ZNF142: variants seen among roughly 807,000 people sequenced by gnomAD.
The protein encoded by ZNF142 is zinc finger protein 142 (clone pHZ-49).
A neutral mutation model predicts 132.1 loss-of-function variants in ZNF142; 96 were observed. The ratio of observed to expected loss-of-function variants is 0.73; its 90% confidence interval spans 0.62 to 0.86. The LOEUF (loss-of-function observed/expected upper bound fraction) is 0.86, where lower values mean the gene tolerates loss of function less well. Ranked by LOEUF, ZNF142 falls within the 40% of genes least tolerant of loss-of-function variation. ZNF142 has a pLI of 0.00. For synonymous variants in ZNF142, 842 were observed against 890.1 expected (o/e 0.95, Z 0.96); for missense variants, 2,163 against 2,336.2 (o/e 0.93, Z 1.53).
In ZNF142 at chr2:218,638,357, G is replaced by A. The variant is rs952819157; in HGVS notation, c.5646C>T (p.His1882=). 2 of 1,522,638 alleles carry A rather than the reference G, an allele frequency of 1.3e-6. No individual in the cohort carries two copies. The highest frequency in any genetic ancestry group is 1.3e-5 in the South Asian group (1 of 76,314). The allele number at this position is 1,522,638 out of a possible 1,614,324, so 94.3% of individuals were successfully genotyped here. ...DPSPPAPAAP[H]TGPEG ...CAGGCTTTCAGCCCTCAGGTCCAGTGTGGGGAGCGGCAGGAGCAGGAGGGC... is the reference window on the plus strand; with the variant it reads ...CAGGCTTTCAGCCCTCAGGTCCAGTATGGGGAGCGGCAGGAGCAGGAGGGC... Residue 1882 remains histidine, a synonymous_variant, in exon 11 of 11, where the codon CAC becomes CAT. Transcript: ENST00000411696.
chr2:218,643,285 A>G lies in ZNF142; in HGVS notation c.3831T>C (p.Ala1277=), dbSNP rs1427481186. The part of the protein sequence containing the change: ...DVSPLSNGDS[A]PPKNGSTESS... ...ACTCTGTACTCCCATTCTTCGGGGG[A>G]GCAGAGTCCCCATTGCTCAACGGGG... is the stretch of plus-strand genomic sequence containing the variant. Residue 1277 remains alanine (A), a synonymous_variant, in exon 9 of 11, where the codon GCT becomes GCC. Coordinates refer to ENST00000411696, the MANE Select transcript of ZNF142 (RefSeq NM_001379659.1). 1 of 1,613,858 alleles carries G rather than the reference A, an allele frequency of 6.2e-7. No individual in the cohort carries two copies. Among genetic ancestry groups the G allele is most frequent in the Non-Finnish European group, 8.5e-7 (1 of 1,179,998 alleles).
intron 4 of ZNF142, among the ~76,000 whole-genome samples, chr2:218,655,640 C>T (rs1938413221): frequency 6.6e-6 from 1 of 152,134 alleles, no homozygotes; most frequent in African/African-American, 2.4e-5. Flanking sequence ...CAGGTGCATG[C>T]CACTGTACCA....
Position 218,636,220 on chromosome 2 carries a change from T to C in ZNF142, c.*2119A>G. The C allele has an allele frequency of 2.5e-6, 4 of 1,607,916 alleles. No individual in the cohort carries two copies. Among genetic ancestry groups the C allele is most frequent in the Non-Finnish European group, 3.4e-6 (4 of 1,174,384 alleles). On this transcript the variant is annotated 3_prime_UTR_variant, in exon 11 of 11. Transcript: ENST00000411696. ...AGAAAACTGTCATAATGTCTTCTTA[T>C]TTCTTTCTGTCCACCAACTCAGGTT...
chr2:218,656,331 G>A lies in ZNF142; in HGVS notation c.99C>T (p.Asn33=). The A allele has an allele frequency of 6.3e-7, 1 of 1,596,428 alleles. No individual in the cohort carries two copies. The highest frequency in any genetic ancestry group is 8.6e-7 in the Non-Finnish European group (1 of 1,169,272). ...TCTGGACAGGCCCCAGGATTCCACGGTTAGAGAGAGGCGGGGGGATCAGCA... is the reference window on the plus strand; with the variant it reads ...TCTGGACAGGCCCCAGGATTCCACGATTAGAGAGAGGCGGGGGGATCAGCA... ...ELLLIPPPLS[N]RGILGPVQSP... Residue 33 remains asparagine, a synonymous_variant, in exon 4 of 11, where the codon AAC becomes AAT. Coordinates refer to ENST00000411696, the MANE Select transcript of ZNF142 (RefSeq NM_001379659.1).
rs1223864203 is a variant in ZNF142 at position 218,633,841 on chromosome 2, G to A, written c.*4498C>T. ...TGATGGACTGGCAGGTAAGTCCCAAGAAAAAAGACAAGGTAGCTAAGGAGA... is the reference window on the plus strand; with the variant it reads ...TGATGGACTGGCAGGTAAGTCCCAAAAAAAAAGACAAGGTAGCTAAGGAGA... On this transcript the variant is annotated 3_prime_UTR_variant, in exon 11 of 11. Coordinates refer to ENST00000411696, the MANE Select transcript of ZNF142 (RefSeq NM_001379659.1). 3 of 1,515,524 alleles carry A rather than the reference G, an allele frequency of 2.0e-6. No homozygotes were observed. The highest frequency in any genetic ancestry group is 1.8e-5 in the Admixed American group (1 of 54,336). The allele number at this position is 1,515,524 out of a possible 1,614,324, so 93.9% of individuals were successfully genotyped here. A position where few individuals can be genotyped will look rare whatever the true frequency, so the allele number is the denominator to read the frequency against.
rs745476200 is a variant in ZNF142 at position 218,642,696 on chromosome 2, G to A, written c.4420C>T (p.Arg1474Cys). The A allele has an allele frequency of 1.1e-5, 17 of 1,614,088 alleles. No individual in the cohort carries two copies. The highest frequency in any genetic ancestry group is 2.2e-5 in the South Asian group (2 of 91,088). ...YSGYLRHDIT[R>C]HVNSCHQGTP... ...CCTTGGTGGCAGCTGTTGACATGAC[G>A]AGTGATGTCATGGCGAAGGTAGCCA... The change falls in exon 9 of 11, where the codon CGT becomes TGT. Residue 1474 changes from arginine (R) to cysteine (C), a missense_variant. Physicochemically the swap from Arg to Cys is radical, Grantham distance 180. Coordinates refer to ENST00000411696, the MANE Select transcript of ZNF142 (RefSeq NM_001379659.1). This position sits in a 1 kb window ranked among gnomAD's most constrained non-coding sequence, Gnocchi z 4.6.
chr2:218,633,662 G>C lies in ZNF142; in HGVS notation c.*4677C>G, dbSNP rs1268907530. 3 of 1,613,188 alleles carry C rather than the reference G, an allele frequency of 1.9e-6. No individual in the cohort carries two copies. The highest frequency in any genetic ancestry group is 2.5e-6 in the Non-Finnish European group (3 of 1,179,300). ...TTCCCTGGTTATCTACTTGAAGTCT[G>C]TCTCATTCCGCAGCTTCACACATTC... On this transcript the variant is annotated 3_prime_UTR_variant, in exon 11 of 11. Coordinates refer to ENST00000411696, the MANE Select transcript of ZNF142 (RefSeq NM_001379659.1).
Position 218,633,485 on chromosome 2 carries a change from A to G in ZNF142, c.*4854T>C. ...GTCCCTTCTCTTGTCCCGGCAGGTGAGGCAGGAGGGAGAATACAGTGGGGA... is the reference window on the plus strand; with the variant it reads ...GTCCCTTCTCTTGTCCCGGCAGGTGGGGCAGGAGGGAGAATACAGTGGGGA... On this transcript the variant is annotated 3_prime_UTR_variant, in exon 11 of 11. Transcript: ENST00000411696. The G allele has an allele frequency of 8.5e-7, 1 of 1,182,220 alleles. No homozygotes were observed. The highest frequency in any genetic ancestry group is 1.2e-6 in the Non-Finnish European group (1 of 804,038). The allele number at this position is 1,182,220 out of a possible 1,614,324, so 73.2% of individuals were successfully genotyped here.
At chr2:218,657,922 C>G (rs1397959487) in intron 3 of ZNF142, among the ~76,000 whole-genome samples, 2 of 152,172 alleles carry the variant, frequency 1.3e-5, no homozygotes, top group African/African-American at 4.8e-5. Flanking sequence ...ATTATCACTT[C>G]AACGAACACA....
chr2:218,645,186 T>A, intron 8 of ZNF142, 122 bp from the exon 9 acceptor site: 1 of 1,262,256 alleles, frequency 7.9e-7, no homozygotes, highest in Non-Finnish European at 1.1e-6. Flanking sequence ...TCACCTGATG[T>A]AACCCTCCTT....
rs1468764533 is a variant in ZNF142, at chr2:218,635,315, T to C, written c.*3024A>G. On this transcript the variant is annotated 3_prime_UTR_variant, in exon 11 of 11. Transcript: ENST00000411696. ...GTCATTAGCATGCCTACTTTCAAAC[T>C]GTTGAATTTCTACCTGGATCCATTT... 2.6e-5 allele frequency among the ~76,000 whole-genome samples: 4 copies of C among 151,958 alleles called. No individual in the cohort carries two copies. The highest frequency in any genetic ancestry group is 5.9e-5 in the Non-Finnish European group (4 of 67,986).
Position 218,643,960 on chromosome 2 carries a change from A to G in ZNF142, c.3156T>C (p.Asn1052=), listed in dbSNP as rs1473120567. 4 of 1,613,972 alleles carry G rather than the reference A, an allele frequency of 2.5e-6. No individual in the cohort carries two copies. In the African/African-American group the frequency reaches 5.3e-5, roughly 22 times the overall value. The change falls in exon 9 of 11, where the codon AAT becomes AAC. Residue 1052 remains asparagine (N), a synonymous_variant. Coordinates refer to ENST00000411696, the MANE Select transcript of ZNF142 (RefSeq NM_001379659.1). ...CTTGGCACCCAGTCCTGGAGTGCAG[A>G]TTCAGGGCCTTCTCCCGGCGAGTGA... ...PFITRREKAL[N]LHSRTGCQGR...
Position 218,643,886 on chromosome 2 carries a change from T to G in ZNF142, c.3230A>C (p.Gln1077Pro). 1 of 1,614,162 alleles carries G rather than the reference T, an allele frequency of 6.2e-7. No homozygotes were observed. The highest frequency in any genetic ancestry group is 8.5e-7 in the Non-Finnish European group (1 of 1,180,010). Residue 1077 changes from glutamine to proline, a missense_variant, in exon 9 of 11, where the codon CAA becomes CCA. Gln to Pro is a moderately conservative substitution (Grantham distance 76). Transcript: ENST00000411696. ...LCPECGASFK[Q>P]QRGLSTHLLK... is the part of the protein sequence containing the mutation. ...CAGGTGGGTGCTGAGGCCGCGTTGT[T>G]GCTTGAAGCTAGCCCCACACTCGGG... is the stretch of plus-strand genomic sequence containing the variant.
rs1245339919 is a variant in ZNF142 at position 218,637,555 on chromosome 2, C to T, written c.*784G>A. ...TATAGAATTCTGAATTGGAGATTTT[C>T]CTCTCTAGTCATCTGCCTTTCCATA... On this transcript the variant is annotated 3_prime_UTR_variant, in exon 11 of 11. Coordinates refer to ENST00000411696, the MANE Select transcript of ZNF142 (RefSeq NM_001379659.1). Among the ~76,000 whole-genome samples the T allele has an allele frequency of 6.6e-6, 1 of 152,174 alleles. No individual in the cohort carries two copies. The highest frequency in any genetic ancestry group is 1.5e-5 in the Non-Finnish European group (1 of 68,020).
Position 218,642,668 on chromosome 2 carries a change from G to C in ZNF142, c.4448C>G (p.Thr1483Ser). The stretch of plus-strand genomic sequence containing the variant: ...ACACTGGGAGCAGGCAAAGGCTGGG[G>C]TGCCTTGGTGGCAGCTGTTGACATG... ...TRHVNSCHQGTPAFACSQCEA... is the reference protein window; with the variant it reads ...TRHVNSCHQGSPAFACSQCEA... The change falls in exon 9 of 11, where the codon ACC (threonine) becomes AGC (serine). Residue 1483 changes from threonine to serine, a missense_variant. Transcript: ENST00000411696. The surrounding 1 kb of genome is among the most constrained non-coding windows in gnomAD (Gnocchi z 4.6). 3.1e-6 allele frequency: 5 copies of C among 1,614,144 alleles called. No homozygotes were observed. Among genetic ancestry groups the C allele is most frequent in the Non-Finnish European group, 4.2e-6 (5 of 1,180,044 alleles).
chr2:218,642,108 G>A lies in ZNF142; in HGVS notation c.5008C>T (p.His1670Tyr), dbSNP rs1441195380. The A allele has an allele frequency of 6.2e-7, 1 of 1,614,188 alleles. No homozygotes were observed. Among genetic ancestry groups the A allele is most frequent in the African/African-American group, 1.3e-5 (1 of 75,040 alleles). ...STKNRQKITW[H>Y]SRIHTGEKPY... The stretch of plus-strand genomic sequence containing the variant: ...TTTTCCCCAGTGTGGATGCGGCTGT[G>A]CCAGGTGATCTTCTGTCGGTTCTTG... Residue 1670 changes from histidine (H) to tyrosine (Y), a missense_variant, in exon 9 of 11, where the codon CAC (histidine) becomes TAC (tyrosine). By Grantham distance (83) the His-to-Tyr change is moderately conservative. Around this residue, in one of 7 missense-constraint regions of ZNF142, gnomAD observed 325 missense variants for 367.8 expected, o/e 0.88. Coordinates refer to ENST00000411696, the MANE Select transcript of ZNF142 (RefSeq NM_001379659.1). This position sits in a 1 kb window ranked among gnomAD's most constrained non-coding sequence, Gnocchi z 4.6.
chr2:218,656,913 G>A (rs772346665), intron 3 of ZNF142, among the ~76,000 whole-genome samples: 2 of 151,350 alleles, frequency 1.3e-5, no homozygotes, highest in East Asian at 1.9e-4. Context: ...CGCCTCCTGG[G>A]TTCAAGCAAT....
At position 218,638,364 on chromosome 2, in the gene ZNF142, G is replaced by A; in HGVS notation, c.5639C>T (p.Ala1880Val). ...TCAGCCCTCAGGTCCAGTGTGGGGA[G>A]CGGCAGGAGCAGGAGGGCTGGGATC... ...LEDPSPPAPA[A>V]PHTGPEG is the part of the protein sequence containing the mutation. Residue 1880 changes from alanine (A) to valine (V), a missense_variant, in exon 11 of 11, where the codon GCT (alanine) becomes GTT (valine). This residue lies in a region of ZNF142 where 325 missense variants were observed against 367.8 expected (regional missense o/e 0.88). Transcript: ENST00000411696. The A allele has an allele frequency of 3.3e-6, 5 of 1,522,780 alleles. No individual in the cohort carries two copies. The highest frequency in any genetic ancestry group is 3.5e-6 in the Non-Finnish European group (4 of 1,134,368). 94.3% of individuals were successfully genotyped at this position (1,522,780 alleles called of 1,614,324 possible). A position where few individuals can be genotyped will look rare whatever the true frequency, so the allele number is the denominator to read the frequency against.
chr2:218,633,916 T>G lies in ZNF142; in HGVS notation c.*4423A>C. 1 of 1,201,604 alleles carries G rather than the reference T, an allele frequency of 8.3e-7. No individual in the cohort carries two copies. Among genetic ancestry groups the G allele is most frequent in the Non-Finnish European group, 1.2e-6 (1 of 851,074 alleles). 74.4% of individuals were successfully genotyped at this position (1,201,604 alleles called of 1,614,324 possible). A position where few individuals can be genotyped will look rare whatever the true frequency, so the allele number is the denominator to read the frequency against. The stretch of plus-strand genomic sequence containing the variant: ...AGAGCAGACAAGGGCAGAGGAGTTA[T>G]GAATAGTGGCTCAAGGGTCTAGGGG... On this transcript the variant is annotated 3_prime_UTR_variant, in exon 11 of 11. Transcript: ENST00000411696.
Sources: gnomAD v4.1 joint callset for allele counts (sites outside exome capture counted in the v4.1 genomes callset) on GRCh38, gnomAD v4.1.1 for gene constraint, gnomAD v4.1.1 regional missense constraint, Gnocchi (gnomAD v3.1) non-coding constraint, MANE v1.5 for transcripts, NCBI Gene and HGNC (gene_info 2026-07-23, HGNC 2026-07-21) for gene names.